Variants in PDLIM1 observed in about 807,000 individuals in gnomAD.
PDLIM1 encodes the protein PDZ and LIM domain protein 1.
In PDLIM1, 25 loss-of-function variants were observed where a neutral mutation model predicts 35.2. The ratio of observed to expected loss-of-function variants is 0.71; its 90% CI spans 0.52 to 0.99. The LOEUF is 0.99. Ranked by LOEUF, PDLIM1 falls within the 50% of genes least tolerant of loss-of-function variation. PDLIM1 has a pLI of 0.00. For missense variants in PDLIM1, 363 were observed against 415.3 expected (o/e 0.87, Z 1.09); for synonymous variants, 152 against 154.0 (o/e 0.99, Z 0.10).
At chr10:95,258,705 A>C (rs933885795) in intron 4 of PDLIM1, among the ~76,000 whole-genome samples, 1 of 152,224 alleles carries the variant, frequency 6.6e-6, no homozygotes, top group Non-Finnish European at 1.5e-5. Flanking sequence ...CAATGGGTAC[A>C]GAATTTCAGT....
chr10:95,247,211 T>C lies in PDLIM1; in HGVS notation c.685+4A>G, dbSNP rs187026008. 3.7e-6 allele frequency: 6 copies of C among 1,611,760 alleles called. No homozygotes were observed. Among genetic ancestry groups the C allele is most frequent in the Non-Finnish European group, 5.1e-6 (6 of 1,179,150 alleles). ...AGCCTCTGACTGCAGATGGAGCTGA[T>C]TACCTTTTTCTTCAGACTCCAGGAT... On this transcript the variant is annotated splice_donor_region_variant and intron_variant, in intron 5 of 6. Transcript: ENST00000329399.
chr10:95,266,531 CCCCTCTAAG>C (rs1437893781), intron 3 of PDLIM1, among the ~76,000 whole-genome samples: 2 of 152,104 alleles, frequency 1.3e-5, no homozygotes, highest in East Asian at 3.9e-4. Flanking sequence ...GCAAGGAATA[CCCCTCTAAG>C]CCCATTTTTC....
chr10:95,261,822 AAC>A (rs1180982652), intron 4 of PDLIM1, among the ~76,000 whole-genome samples: 2 of 152,164 alleles, frequency 1.3e-5, no homozygotes, highest in African/African-American at 4.8e-5. Context: ...CAGCCTGATC[AAC>A]ATGGAGAAAC....
At chr10:95,281,388 G>A (rs771242974) in intron 1 of PDLIM1, among the ~76,000 whole-genome samples, 27 of 152,044 alleles carry the variant, frequency 1.8e-4, no homozygotes, top group Admixed American at 2.6e-4. Context: ...AAACTAGTCC[G>A]GGCAACACAG....
intron 2 of PDLIM1, 142 bp from the exon 3 acceptor site, chr10:95,269,004 C>T (rs956541468): frequency 1.4e-5 from 9 of 638,524 alleles, no homozygotes; most frequent in Non-Finnish European, 2.5e-5. Flanking sequence ...CCATTTGCCA[C>T]CAGGTTGATC....
At chr10:95,245,035 T>A (rs1416283054) in intron 5 of PDLIM1, among the ~76,000 whole-genome samples, 1 of 152,222 alleles carries the variant, frequency 6.6e-6, no homozygotes, top group Non-Finnish European at 1.5e-5. Context: ...CAGTAAGAGA[T>A]ACAGGAGAAA....
intron 1 of PDLIM1, 59 bp from the exon 2 acceptor site, chr10:95,271,843 A>C: frequency 6.4e-7 from 1 of 1,552,562 alleles, no homozygotes; most frequent in Non-Finnish European, 8.8e-7. Context: ...CTAAGTTACC[A>C]CCAAGTTAAG....
chr10:95,274,561 T>C (rs1334236356), intron 1 of PDLIM1, among the ~76,000 whole-genome samples: 2 of 152,072 alleles, frequency 1.3e-5, no homozygotes, highest in African/African-American at 4.8e-5. Flanking sequence ...CCTCCCAAAG[T>C]GCTGGGATTA....
At chr10:95,266,543 C>T (rs1288339832) in intron 3 of PDLIM1, among the ~76,000 whole-genome samples, 1 of 152,134 alleles carries the variant, frequency 6.6e-6, no homozygotes, top group Non-Finnish European at 1.5e-5. Flanking sequence ...CCTCTAAGCC[C>T]ATTTTTCATC....
chr10:95,289,117 T>G (rs2035628871), intron 1 of PDLIM1, among the ~76,000 whole-genome samples: 1 of 152,182 alleles, frequency 6.6e-6, no homozygotes, highest in African/African-American at 2.4e-5. Flanking sequence ...TGCCAATACA[T>G]CCTCCACTAC....
intron 4 of PDLIM1, among the ~76,000 whole-genome samples, chr10:95,257,025 AG>A (rs1195161272): frequency 5.3e-5 from 8 of 150,206 alleles, no homozygotes; most frequent in Non-Finnish European, 1.2e-4. Flanking sequence ...AAAGAAAGAA[AG>A]AAAGAAAGAA....
intron 4 of PDLIM1, among the ~76,000 whole-genome samples, chr10:95,255,245 T>C (rs1280853364): frequency 6.6e-6 from 1 of 150,922 alleles, no homozygotes; most frequent in East Asian, 1.9e-4. Context: ...TCTCAAACTC[T>C]TCCAAAAAAC....
intron 4 of PDLIM1, among the ~76,000 whole-genome samples, chr10:95,256,986 A>AGG (rs1554832102): frequency 0.11 from 6,562 of 61,664 alleles, 436 homozygotes; most frequent in South Asian, 0.12. Context: ...AAAAAAAAAA[A>AGG]AAAGAAAGAA....
chr10:95,267,659 T>C (rs2035427851), intron 3 of PDLIM1, among the ~76,000 whole-genome samples: 1 of 152,220 alleles, frequency 6.6e-6, no homozygotes, highest in Non-Finnish European at 1.5e-5. Context: ...TGGATTCTAT[T>C]TGAGAAAATA....
chr10:95,255,494 A>T (rs1305596789), intron 4 of PDLIM1, among the ~76,000 whole-genome samples: 2 of 152,224 alleles, frequency 1.3e-5, no homozygotes, highest in Non-Finnish European at 2.9e-5. Context: ...TATAACAATC[A>T]ATCAGTGTAA....
rs45557337 is a variant in PDLIM1 at position 95,269,797 on chromosome 10, G to A, written c.249-935C>T. On this transcript the variant is annotated intron_variant, in intron 2 of 6. Transcript: ENST00000329399. ...CCCAGGCTGGAGTGCAATGAATGGC[G>A]TGATCTTGGCTCACTGCAACCTCCG... Among the ~76,000 whole-genome samples, 50 of 152,102 alleles carry A rather than the reference G, an allele frequency of 3.3e-4. No individual in the cohort carries two copies. The East Asian group carries it at 5.2e-3, about 16-fold the overall frequency.
chr10:95,269,301 G>A (rs1421680399), intron 2 of PDLIM1, among the ~76,000 whole-genome samples: 1 of 152,208 alleles, frequency 6.6e-6, no homozygotes, highest in African/African-American at 2.4e-5. Flanking sequence ...GCCGGGCGTG[G>A]TGGCTCACGC....
intron 5 of PDLIM1, among the ~76,000 whole-genome samples, chr10:95,246,680 G>A (rs1171046673): frequency 6.6e-6 from 1 of 152,182 alleles, no homozygotes; most frequent in Non-Finnish European, 1.5e-5. Flanking sequence ...TTTGCCAAAG[G>A]TCACAGAATA....
At chr10:95,261,858 A>T (rs1250669380) in intron 4 of PDLIM1, among the ~76,000 whole-genome samples, 1 of 152,078 alleles carries the variant, frequency 6.6e-6, no homozygotes, top group Non-Finnish European at 1.5e-5. Flanking sequence ...AAAACACAAA[A>T]TTATCCGGGC....
Sources: allele counts gnomAD v4.1 joint callset (sites outside exome capture counted in the v4.1 genomes callset), GRCh38; gene constraint gnomAD v4.1.1; transcripts MANE v1.5; gene names NCBI Gene and HGNC (gene_info 2026-07-23, HGNC 2026-07-21).